The following CHODL variants were observed in gnomAD, a reference collection of about 807,000 sequenced individuals.
CHODL encodes transmembrane protein MT75.
CHODL carries 29 observed loss-of-function variants against 34.5 expected under a neutral mutation model. That is an observed-to-expected ratio of 0.84 (90% CI 0.63 to 1.15). The LOEUF (loss-of-function observed/expected upper bound fraction) is 1.15. Ranked by LOEUF, CHODL falls within the 50% of genes most tolerant of loss-of-function variation. The probability of loss-of-function intolerance (pLI) is 0.00; values close to 1 mark genes in which losing one functional copy is unlikely to be tolerated. For missense variants in CHODL, 332 were observed against 332.5 expected (o/e 1.00, Z 0.01); for synonymous variants, 125 against 116.1 (o/e 1.08, Z -0.49).
At chr21:17,925,272 G>A (rs145041191) in intron 1 of CHODL, among the ~76,000 whole-genome samples, 3 of 152,182 alleles carry the variant, frequency 2.0e-5, no homozygotes, top group African/African-American at 7.2e-5. Context: ...CATGAAAGTT[G>A]ACTCTCAGTT....
chr21:18,088,179 G>C, intron 2 of CHODL, among the ~76,000 whole-genome samples: 1 of 152,124 alleles, frequency 6.6e-6, no homozygotes, highest in Non-Finnish European at 1.5e-5. Context: ...TATCAGCCTG[G>C]TTTCCCTGAG....
intron 1 of CHODL, among the ~76,000 whole-genome samples, chr21:17,989,732 AGGC>A (rs372689163): frequency 3.3e-5 from 5 of 152,158 alleles, no homozygotes; most frequent in African/African-American, 7.2e-5. Context: ...AATTAATGCA[AGGC>A]TTGTGAGGTT....
chr21:18,030,794 A>G (rs777847631), intron 2 of CHODL, among the ~76,000 whole-genome samples: 2 of 152,192 alleles, frequency 1.3e-5, no homozygotes, highest in Non-Finnish European at 2.9e-5. Flanking sequence ...AATTTATAAT[A>G]AAGTACCCTT....
intron 2 of CHODL, among the ~76,000 whole-genome samples, chr21:18,137,408 A>C (rs2072746918): frequency 6.6e-6 from 1 of 152,346 alleles, no homozygotes. Flanking sequence ...CAACACAGTC[A>C]ACAACTTCAA....
chr21:17,949,496 G>T (rs913510150), intron 1 of CHODL, among the ~76,000 whole-genome samples: 7 of 152,052 alleles, frequency 4.6e-5, no homozygotes, highest in Non-Finnish European at 1.0e-4. Flanking sequence ...TATGTGGGAG[G>T]GGGTAAAAAA....
At chr21:17,948,942 G>T (rs2063434657) in intron 1 of CHODL, among the ~76,000 whole-genome samples, 1 of 152,106 alleles carries the variant, frequency 6.6e-6, no homozygotes, top group African/African-American at 2.4e-5. Flanking sequence ...ACCCAGACAA[G>T]GATGCAACAA....
chr21:18,042,557 A>T (rs1378801903), intron 2 of CHODL, among the ~76,000 whole-genome samples: 1 of 152,048 alleles, frequency 6.6e-6, no homozygotes, highest in African/African-American at 2.4e-5. Context: ...TGTGAAGCAG[A>T]TCTGGGAACT....
At chr21:18,129,892 CTGTGTGTGTG>C (rs150557806) in intron 2 of CHODL, among the ~76,000 whole-genome samples, 42,567 of 140,524 alleles carry the variant, frequency 0.3, 7,642 homozygotes, top group African/African-American at 0.52. Flanking sequence ...CTGTCTTTCT[CTGTGTGTGTG>C]TGTGTGTGTG....
intron 1 of CHODL, among the ~76,000 whole-genome samples, chr21:18,003,026 G>A (rs2063923165): frequency 6.6e-6 from 1 of 151,960 alleles, no homozygotes; most frequent in African/African-American, 2.4e-5. Context: ...GGGAGGCTGA[G>A]GCAGGAGAAT....
intron 2 of CHODL, among the ~76,000 whole-genome samples, chr21:18,217,519 G>C (rs971721735): frequency 6.6e-6 from 1 of 151,992 alleles, no homozygotes; most frequent in Non-Finnish European, 1.5e-5. Context: ...CTCCCATTGC[G>C]TCCTTCCCAG....
chr21:17,973,000 C>G (rs1479975485), intron 1 of CHODL, among the ~76,000 whole-genome samples: 1 of 152,102 alleles, frequency 6.6e-6, no homozygotes, highest in Non-Finnish European at 1.5e-5. Context: ...TATCTACCAC[C>G]ATCTGATCTT....
intron 2 of CHODL, among the ~76,000 whole-genome samples, chr21:18,062,384 T>C (rs1382397455): frequency 6.7e-6 from 1 of 150,076 alleles, no homozygotes; most frequent in Non-Finnish European, 1.5e-5. Context: ...AATTTTTTTA[T>C]TTTTTGTAGA....
chr21:18,202,016 A>C (rs1294676732), intron 2 of CHODL, among the ~76,000 whole-genome samples: 2 of 152,010 alleles, frequency 1.3e-5, no homozygotes, highest in Non-Finnish European at 2.9e-5. Context: ...CATGTTAGCC[A>C]GGATGATCTC....
At chr21:18,123,567 C>G (rs532135464) in intron 2 of CHODL, among the ~76,000 whole-genome samples, 40 of 152,212 alleles carry the variant, frequency 2.6e-4, no homozygotes, top group Non-Finnish European at 5.0e-4. Flanking sequence ...GAAGGGCAGG[C>G]AGCAGAAATG....
At chr21:18,033,624 A>C (rs1297319552) in intron 2 of CHODL, among the ~76,000 whole-genome samples, 1 of 152,030 alleles carries the variant, frequency 6.6e-6, no homozygotes, top group Non-Finnish European at 1.5e-5. Context: ...TACACCCAGC[A>C]GCAGAAATGT....
chr21:17,945,046 T>A (rs1346454843), intron 1 of CHODL, among the ~76,000 whole-genome samples: 1 of 130,424 alleles, frequency 7.7e-6, no homozygotes, highest in Non-Finnish European at 1.7e-5. Context: ...CCGTCTCTAC[T>A]AAAAATACAA....
intron 2 of CHODL, among the ~76,000 whole-genome samples, chr21:18,225,621 CT>C (rs1228302012): frequency 6.6e-6 from 1 of 151,916 alleles, no homozygotes; most frequent in Non-Finnish European, 1.5e-5. Context: ...ACATAAAAAA[CT>C]TTATATATGG....
At chr21:18,245,427 G>A in intron 1 of CHODL, 125 bp downstream of exon 1, 1 of 696,894 alleles carries the variant, frequency 1.4e-6, no homozygotes. Context: ...AAGGACCCGG[G>A]AGGAGGCGGG....
chr21:18,131,152 CAG>C (rs372980813), intron 2 of CHODL, among the ~76,000 whole-genome samples: 72 of 148,964 alleles, frequency 4.8e-4, no homozygotes, highest in Admixed American at 6.7e-4. Flanking sequence ...ACAGAGAGAG[CAG>C]AGAGAGAGAG....
Sources: gnomAD v4.1 joint callset for allele counts (sites outside exome capture counted in the v4.1 genomes callset) on GRCh38, gnomAD v4.1.1 for gene constraint, MANE v1.5 for transcripts, NCBI Gene and HGNC (gene_info 2026-07-23, HGNC 2026-07-21) for gene names.